The following SKAP1 variants were observed in gnomAD, a reference collection of about 807,000 sequenced individuals.
The protein encoded by SKAP1 is src kinase associated phosphoprotein 1, also known as src kinase-associated phosphoprotein 1.
A neutral mutation model predicts 58.5 loss-of-function variants in SKAP1; 44 were observed. That is an observed-to-expected ratio of 0.75 (90% CI 0.59 to 0.97). The LOEUF (loss-of-function observed/expected upper bound fraction) is 0.97. Among genes scored for constraint, SKAP1 ranks in the 50% least tolerant of loss-of-function variants. The pLI, the probability that SKAP1 is intolerant of heterozygous loss-of-function variation, is 0.00. For synonymous variants in SKAP1, 127 were observed against 149.7 expected, an observed-to-expected ratio of 0.85 and a Z score of 1.11; for missense variants, 390 against 435.2, an observed-to-expected ratio of 0.90 and a Z score of 0.92.
Position 48,222,487 on chromosome 17 carries a change from A to T in SKAP1, c.281-32987T>A, listed in dbSNP as rs182789319. Among the ~76,000 whole-genome samples the T allele has an allele frequency of 2.0e-3, 298 of 151,822 alleles. 1 individual carries two copies. The highest frequency in any genetic ancestry group is 4.7e-3 in the African/African-American group (196 of 41,422). ...ATGCATATAGAAGAATTATATATAT[A>T]TTTTTTTCCCGAGATGGAGTGTTGC... On this transcript the variant is annotated intron_variant, in intron 4 of 12. Transcript: ENST00000336915.
intron 11 of SKAP1, among the ~76,000 whole-genome samples, chr17:48,142,837 G>A (rs1164002937): frequency 2.6e-5 from 4 of 151,950 alleles, no homozygotes; most frequent in African/African-American, 7.3e-5. Flanking sequence ...ACAGGGTTTC[G>A]CTCTGTTGCC....
chr17:48,233,867 A>G (rs2065152009), intron 4 of SKAP1, among the ~76,000 whole-genome samples: 1 of 152,112 alleles, frequency 6.6e-6, no homozygotes, highest in Non-Finnish European at 1.5e-5. Context: ...AGAAAAAAAA[A>G]ATGTTTACTT....
chr17:48,257,379 C>T, intron 4 of SKAP1, among the ~76,000 whole-genome samples: 1 of 152,076 alleles, frequency 6.6e-6, no homozygotes, highest in Non-Finnish European at 1.5e-5. Context: ...TTACTACAAA[C>T]ACAAATCTTA....
chr17:48,162,661 T>C (rs2064085241), intron 10 of SKAP1, 92 bp from the exon 11 acceptor site: 1 of 881,626 alleles, frequency 1.1e-6, no homozygotes, highest in Non-Finnish European at 1.8e-6. Flanking sequence ...AGGGTTCTGA[T>C]ATTGCCCCTA....
chr17:48,425,324 C>A (rs1276864557), intron 1 of SKAP1, among the ~76,000 whole-genome samples: 1 of 152,144 alleles, frequency 6.6e-6, no homozygotes, highest in African/African-American at 2.4e-5. Flanking sequence ...AATCAATAGA[C>A]AAACCTGTGC....
intron 4 of SKAP1, among the ~76,000 whole-genome samples, chr17:48,276,507 C>G (rs893457603): frequency 1.3e-4 from 20 of 152,210 alleles, no homozygotes; most frequent in African/African-American, 4.8e-4. Flanking sequence ...TATATCTTCA[C>G]AGTCTGCATC....
chr17:48,205,721 C>T (rs2064801933), intron 4 of SKAP1, among the ~76,000 whole-genome samples: 1 of 152,130 alleles, frequency 6.6e-6, no homozygotes, highest in Non-Finnish European at 1.5e-5. Context: ...AAATTCTCCA[C>T]AGCAACAATG....
upstream of SKAP1, among the ~76,000 whole-genome samples, chr17:48,431,134 G>T (rs1266153215): frequency 6.6e-6 from 1 of 152,076 alleles, no homozygotes; most frequent in African/African-American, 2.4e-5. Flanking sequence ...ATAAAAGAAG[G>T]GAGCTGAATA....
At chr17:48,355,434 T>C (rs2066863159) in intron 3 of SKAP1, among the ~76,000 whole-genome samples, 1 of 152,070 alleles carries the variant, frequency 6.6e-6, no homozygotes, top group South Asian at 2.1e-4. Flanking sequence ...CACACCCCCA[T>C]GCTTGGCTAA....
At chr17:48,203,488 C>T (rs1228513721) in intron 4 of SKAP1, among the ~76,000 whole-genome samples, 1 of 152,228 alleles carries the variant, frequency 6.6e-6, no homozygotes. Flanking sequence ...TCCGAGCAGC[C>T]TTTCTCACAG....
At chr17:48,182,727 TCAGA>T (rs2064386719) in intron 7 of SKAP1, among the ~76,000 whole-genome samples, 1 of 152,324 alleles carries the variant, frequency 6.6e-6, no homozygotes, top group Non-Finnish European at 1.5e-5. Flanking sequence ...TATTCCTTCA[TCAGA>T]CATTTATTTG....
In SKAP1 at chr17:48,384,139, T is replaced by C. The variant is rs187072508; in HGVS notation, c.152+12541A>G. Among the ~76,000 whole-genome samples, 76 of 152,280 alleles carry C rather than the reference T, an allele frequency of 5.0e-4. 1 individual carries two copies. Among genetic ancestry groups the C allele is most frequent in the Admixed American group, 1.3e-3 (20 of 15,302 alleles). ...ACCAGAAAGGAGAATTCTGCAGTGC[T>C]TGAGTACGACTTTATGAAGACTAAA... On this transcript the variant is annotated intron_variant, in intron 2 of 12. Transcript: ENST00000336915.
At chr17:48,303,648 T>C (rs774100276) in intron 4 of SKAP1, among the ~76,000 whole-genome samples, 26 of 152,192 alleles carry the variant, frequency 1.7e-4, no homozygotes, top group Non-Finnish European at 3.2e-4. Context: ...CAGAAAACTA[T>C]ATATGTGCAA....
At chr17:48,227,016 T>C (rs1437929721) in intron 4 of SKAP1, among the ~76,000 whole-genome samples, 1 of 152,180 alleles carries the variant, frequency 6.6e-6, no homozygotes, top group East Asian at 1.9e-4. Flanking sequence ...TGGCTTGACC[T>C]TAGCTTGGCT....
At chr17:48,189,542 A>G (rs2143524913) in intron 4 of SKAP1, 42 bp from the exon 5 acceptor site, 2 of 1,494,734 alleles carry the variant, frequency 1.3e-6, no homozygotes, top group Non-Finnish European at 1.8e-6. Flanking sequence ...AAACCTGGCA[A>G]AATTTTCATT....
intron 4 of SKAP1, among the ~76,000 whole-genome samples, chr17:48,227,506 C>A (rs886620417): frequency 6.6e-6 from 1 of 152,196 alleles, no homozygotes; most frequent in Admixed American, 6.5e-5. Flanking sequence ...TTTTATGCAT[C>A]ATCATAGCCA....
At chr17:48,426,928 G>A (rs2067860259) in intron 1 of SKAP1, among the ~76,000 whole-genome samples, 1 of 151,476 alleles carries the variant, frequency 6.6e-6, no homozygotes, top group Non-Finnish European at 1.5e-5. Context: ...CATAGTAAAT[G>A]GTCCGTTAGC....
At chr17:48,426,291 A>G (rs2144624742) in intron 1 of SKAP1, among the ~76,000 whole-genome samples, 1 of 152,362 alleles carries the variant, frequency 6.6e-6, no homozygotes, top group South Asian at 2.1e-4. Flanking sequence ...TACTACATGC[A>G]GCCAGGTTGT....
chr17:48,308,772 G>T (rs1342346717), intron 4 of SKAP1: 1 of 152,110 alleles, frequency 6.6e-6, no homozygotes, highest in Non-Finnish European at 1.5e-5. Context: ...GTAAAATGGA[G>T]ATAAAAATAG....
Sources: gnomAD v4.1 joint callset for allele counts (sites outside exome capture counted in the v4.1 genomes callset) on GRCh38, gnomAD v4.1.1 for gene constraint, MANE v1.5 for transcripts, NCBI Gene and HGNC (gene_info 2026-07-23, HGNC 2026-07-21) for gene names.